The following GPALPP1 variants were observed in gnomAD, a reference collection of about 807,000 sequenced individuals.
The protein encoded by GPALPP1 is GPALPP motifs-containing protein 1.
Under a neutral mutation model 38.9 loss-of-function variants are expected in GPALPP1, and 30 were observed. That is an observed-to-expected ratio of 0.77 (90% CI 0.58 to 1.05). The LOEUF (loss-of-function observed/expected upper bound fraction) is 1.05, where lower values mean the gene tolerates loss of function less well. Among genes scored for constraint, GPALPP1 ranks in the 50% least tolerant of loss-of-function variants. The probability of loss-of-function intolerance (pLI) is 0.00; values close to 1 mark genes in which losing one functional copy is unlikely to be tolerated. For missense variants in GPALPP1, 384 were observed against 408.8 expected (o/e 0.94, Z 0.52); for synonymous variants, 120 against 139.2 (o/e 0.86, Z 0.97).
At chr13:44,997,647 T>C (rs1873387900) in intron 1 of GPALPP1, among the ~76,000 whole-genome samples, 1 of 152,148 alleles carries the variant, frequency 6.6e-6, no homozygotes, top group South Asian at 2.1e-4. Flanking sequence ...TCATTTGCTT[T>C]TTATTTTTGT....
chr13:45,033,099 G>T (rs187254023), downstream of GPALPP1: 1 of 151,220 alleles, frequency 6.6e-6, no homozygotes, highest in Non-Finnish European at 1.5e-5. Context: ...CTTCAGAATA[G>T]ATCAATGGTT....
In GPALPP1 at chr13:45,000,165, C is replaced by T. The variant is rs1208299607; in HGVS notation, c.89-4140C>T. 2.0e-5 allele frequency among the ~76,000 whole-genome samples: 3 copies of T among 151,886 alleles called. No individual in the cohort carries two copies. The East Asian group carries it at 5.8e-4, about 29-fold the overall frequency. The stretch of plus-strand genomic sequence containing the variant: ...GGTGTGGTGGCTCATGCCTGTAATC[C>T]CAGTGCTTTGGGAGGCCAAGGCAGG... On this transcript the variant is annotated intron_variant, in intron 1 of 7. Transcript: ENST00000379151.
At chr13:45,024,262 CTGTGTGTGTGTGTGTGTGTGTGTG>C (rs34572145) in intron 7 of GPALPP1, among the ~76,000 whole-genome samples, 16 of 24,238 alleles carry the variant, frequency 6.6e-4, no homozygotes, top group African/African-American at 2.0e-3. Context: ...CCCTAAAACT[CTGTGTGTGTGTGTGTGTGTGTGTG>C]TGTGTGTGTG....
intron 7 of GPALPP1, among the ~76,000 whole-genome samples, chr13:45,020,640 CAA>C (rs530239850): frequency 2.4e-4 from 26 of 109,602 alleles, no homozygotes; most frequent in Admixed American, 4.8e-4. Context: ...CCTAATGTCT[CAA>C]AAAAAAAAAA....
intron 6 of GPALPP1, among the ~76,000 whole-genome samples, chr13:45,019,556 TCA>T (rs976622737): frequency 2.6e-5 from 4 of 152,118 alleles, no homozygotes; most frequent in Non-Finnish European, 4.4e-5. Flanking sequence ...GCTACGCAGT[TCA>T]CAGTTTGCTA....
At chr13:45,017,544 C>A (rs966876461) in intron 6 of GPALPP1, among the ~76,000 whole-genome samples, 1 of 152,184 alleles carries the variant, frequency 6.6e-6, no homozygotes, top group Non-Finnish European at 1.5e-5. Context: ...TCCAAAAAGA[C>A]AATTAATTCC....
At chr13:45,015,818 G>C (rs1874826842) in intron 6 of GPALPP1, among the ~76,000 whole-genome samples, 1 of 152,040 alleles carries the variant, frequency 6.6e-6, no homozygotes, top group African/African-American at 2.4e-5. Flanking sequence ...TAAACCTCAA[G>C]AAAACTCTGA....
chr13:45,000,785 A>G (rs1260580521), intron 1 of GPALPP1, among the ~76,000 whole-genome samples: 3 of 152,222 alleles, frequency 2.0e-5, no homozygotes, highest in Non-Finnish European at 4.4e-5. Context: ...CTTACATACT[A>G]AGACATTAAG....
chr13:45,027,742 A>C (rs367967079), intron 7 of GPALPP1, 43 bp from the exon 8 acceptor site: 1 of 911,080 alleles, frequency 1.1e-6, no homozygotes, highest in Admixed American at 2.0e-5. Context: ...AATAATCTAT[A>C]TACAAACTAT....
At chr13:45,012,933 C>T (rs1284169411) in intron 4 of GPALPP1, among the ~76,000 whole-genome samples, 1 of 152,140 alleles carries the variant, frequency 6.6e-6, no homozygotes, top group African/African-American at 2.4e-5. Context: ...GCAGCATAAA[C>T]TTAACTTAAT....
downstream of GPALPP1, chr13:45,030,921 C>T (rs1029407634): frequency 1.2e-4 from 18 of 151,946 alleles, no homozygotes; most frequent in Non-Finnish European, 2.4e-4. Context: ...TTTGGGAGGC[C>T]GAGGTGGGTG....
chr13:45,002,003 C>T (rs2137964128), intron 1 of GPALPP1: 1 of 152,610 alleles, frequency 6.6e-6, no homozygotes, highest in Admixed American at 6.5e-5. Flanking sequence ...TATCAGCTTT[C>T]TAATGCATAT....
rs79308648 is a variant in GPALPP1 at position 45,020,768 on chromosome 13, C to T, written c.804+340C>T. Among the ~76,000 whole-genome samples, 67 of 152,006 alleles carry T rather than the reference C, an allele frequency of 4.4e-4. 1 individual carries two copies. In the East Asian group the frequency reaches 0.012, roughly 28 times the overall value. Reference sequence around the variant, plus strand: ...TTTATATGTCTGCCTCTTTACCATGCACTTTTTATACATCTATCCTGAAAT... The same window carrying T: ...TTTATATGTCTGCCTCTTTACCATGTACTTTTTATACATCTATCCTGAAAT... On this transcript the variant is annotated intron_variant, in intron 7 of 7. Coordinates refer to ENST00000379151, the MANE Select transcript of GPALPP1 (RefSeq NM_018559.5).
At chr13:45,034,490 G>A (rs1361505050), downstream of GPALPP1, 1 of 152,114 alleles carries the variant, frequency 6.6e-6, no homozygotes, top group Non-Finnish European at 1.5e-5. Context: ...CTAAAAAAAT[G>A]AAAAGCTAGC....
intron 7 of GPALPP1, among the ~76,000 whole-genome samples, chr13:45,025,929 C>G (rs11616383): frequency 0.049 from 7,499 of 152,116 alleles, 272 homozygotes; most frequent in East Asian, 0.12. Flanking sequence ...CGCCACCATG[C>G]CTGGCTAATT....
intron 6 of GPALPP1, among the ~76,000 whole-genome samples, chr13:45,017,080 C>T (rs1874929707): frequency 6.6e-6 from 1 of 152,226 alleles, no homozygotes; most frequent in South Asian, 2.1e-4. Flanking sequence ...TATTACTCAT[C>T]AGTACCTAGA....
intron 7 of GPALPP1, among the ~76,000 whole-genome samples, chr13:45,024,325 C>T (rs572665868): frequency 4.7e-5 from 7 of 150,294 alleles, no homozygotes; most frequent in East Asian, 4.0e-4. Context: ...GACTGAGTCT[C>T]GCTCTGCTCC....
intron 6 of GPALPP1, 135 bp downstream of exon 6, chr13:45,015,731 G>C (rs540089896): frequency 8.4e-5 from 45 of 535,888 alleles, no homozygotes; most frequent in Middle Eastern, 3.6e-4. Flanking sequence ...ATTTTCCTCT[G>C]GAGGAAGAGT....
intron 3 of GPALPP1, 148 bp from the exon 4 acceptor site, chr13:45,008,647 T>C: frequency 1.8e-6 from 1 of 563,462 alleles, no homozygotes; most frequent in Non-Finnish European, 3.2e-6. Flanking sequence ...AGAAAGATAC[T>C]AGGTAATACT....
Sources: allele counts gnomAD v4.1 joint callset (sites outside exome capture counted in the v4.1 genomes callset), GRCh38; gene constraint gnomAD v4.1.1; transcripts MANE v1.5; gene names NCBI Gene and HGNC (gene_info 2026-07-23, HGNC 2026-07-21).